FSTL5: variants seen among roughly 807,000 people sequenced by gnomAD.
FSTL5 encodes follistatin like 5.
FSTL5 carries 62 observed loss-of-function variants against 89.1 expected under a neutral mutation model. The observed-to-expected ratio is 0.70, with a 90% CI of 0.57 to 0.86. The LOEUF is 0.86. FSTL5 is among the 40% of genes least tolerant of loss of function. The pLI is 0.00. For synonymous variants in FSTL5, 383 were observed against 346.2 expected (o/e 1.11, Z -1.18); for missense variants, 1,057 against 1,001.6 (o/e 1.06, Z -0.75).
intron 3 of FSTL5, among the ~76,000 whole-genome samples, chr4:161,982,451 T>A (rs997395148): frequency 3.9e-5 from 6 of 152,210 alleles, no homozygotes; most frequent in Non-Finnish European, 8.8e-5. Context: ...AAACATATAG[T>A]TACAGGTAAG....
chr4:161,779,275 C>A (rs984799192), intron 4 of FSTL5, among the ~76,000 whole-genome samples: 14 of 151,400 alleles, frequency 9.2e-5, no homozygotes, highest in Non-Finnish European at 1.0e-4. Context: ...ATAAAATAAC[C>A]AAAAAAAATT....
At chr4:161,699,879 G>A (rs946166318) in intron 6 of FSTL5, among the ~76,000 whole-genome samples, 1 of 152,020 alleles carries the variant, frequency 6.6e-6, no homozygotes, top group African/African-American at 2.4e-5. Flanking sequence ...TCTTTTTTAT[G>A]TTCCATGTTG....
At chr4:161,680,272 A>G (rs1447932017) in intron 6 of FSTL5, among the ~76,000 whole-genome samples, 1 of 151,862 alleles carries the variant, frequency 6.6e-6, no homozygotes, top group East Asian at 1.9e-4. Flanking sequence ...TGCTTGTTAC[A>G]TTGCATCCTG....
chr4:161,759,304 T>C, intron 6 of FSTL5, 107 bp downstream of exon 6: 1 of 1,043,608 alleles, frequency 9.6e-7, no homozygotes, highest in Non-Finnish European at 1.4e-6. Flanking sequence ...ATTATATAAT[T>C]TTTCTTAAGA....
intron 4 of FSTL5, among the ~76,000 whole-genome samples, chr4:161,852,856 G>A (rs1205021498): frequency 6.6e-6 from 1 of 152,098 alleles, no homozygotes; most frequent in Non-Finnish European, 1.5e-5. Flanking sequence ...TGGGAGGAGG[G>A]AGAGCATCAG....
At chr4:162,010,308 C>G (rs1169681503) in intron 3 of FSTL5, among the ~76,000 whole-genome samples, 1 of 152,006 alleles carries the variant, frequency 6.6e-6, no homozygotes, top group African/African-American at 2.4e-5. Flanking sequence ...ATAAAAAGCA[C>G]GCTCACTTAA....
chr4:162,088,449 G>GA (rs1486515959), intron 2 of FSTL5, among the ~76,000 whole-genome samples: 1 of 151,896 alleles, frequency 6.6e-6, no homozygotes, highest in Non-Finnish European at 1.5e-5. Context: ...CTTAGGATCA[G>GA]AAAAATGACA....
intron 6 of FSTL5, among the ~76,000 whole-genome samples, chr4:161,683,996 T>C (rs1737617118): frequency 6.6e-6 from 1 of 152,192 alleles, no homozygotes; most frequent in Non-Finnish European, 1.5e-5. Flanking sequence ...AAACATACGA[T>C]GTTTGACTTT....
chr4:161,631,839 A>T (rs2126656851), intron 7 of FSTL5, among the ~76,000 whole-genome samples: 1 of 152,328 alleles, frequency 6.6e-6, no homozygotes, highest in Non-Finnish European at 1.5e-5. Context: ...TCAAATTTGC[A>T]AAAGTACCTA....
intron 1 of FSTL5, among the ~76,000 whole-genome samples, chr4:162,129,010 C>T (rs959085247): frequency 2.7e-5 from 4 of 148,974 alleles, no homozygotes; most frequent in Non-Finnish European, 5.9e-5. Flanking sequence ...CTGCAACCTC[C>T]GGCTCCCGGG....
intron 3 of FSTL5, among the ~76,000 whole-genome samples, chr4:162,025,327 T>A (rs1431344200): frequency 1.1e-4 from 17 of 152,200 alleles, no homozygotes; most frequent in Non-Finnish European, 2.5e-4. Context: ...TATGTTTCTA[T>A]CATGGATGTA....
At chr4:161,800,345 C>T (rs1328407755) in intron 4 of FSTL5, among the ~76,000 whole-genome samples, 1 of 151,566 alleles carries the variant, frequency 6.6e-6, no homozygotes, top group Non-Finnish European at 1.5e-5. Context: ...AAGTTAATGC[C>T]TCCTTTAGAA....
At chr4:161,501,807 C>T (rs2126486565) in intron 11 of FSTL5, among the ~76,000 whole-genome samples, 1 of 152,040 alleles carries the variant, frequency 6.6e-6, no homozygotes, top group East Asian at 1.9e-4. Context: ...ATAAATATTA[C>T]ATGCACAAAA....
chr4:161,942,058 C>T (rs13147745), intron 3 of FSTL5, among the ~76,000 whole-genome samples: 49,021 of 151,508 alleles, frequency 0.32, 9,633 homozygotes, highest in Non-Finnish European at 0.43. Flanking sequence ...AAGAAGAAAT[C>T]AAAAGAGATA....
chr4:161,942,896 C>T (rs1263951895), intron 3 of FSTL5, among the ~76,000 whole-genome samples: 2 of 152,074 alleles, frequency 1.3e-5, no homozygotes, highest in African/African-American at 4.8e-5. Flanking sequence ...TGTCATTATT[C>T]ACATATGACA....
chr4:162,016,957 C>G, intron 3 of FSTL5, among the ~76,000 whole-genome samples: 1 of 152,112 alleles, frequency 6.6e-6, no homozygotes, highest in East Asian at 1.9e-4. Flanking sequence ...TGTAAATTTA[C>G]GAAGTCCTAC....
intron 2 of FSTL5, among the ~76,000 whole-genome samples, chr4:162,035,574 G>A (rs1024879195): frequency 1.2e-4 from 18 of 152,072 alleles, no homozygotes; most frequent in Admixed American, 1.1e-3. Context: ...AATCTGGGCA[G>A]TAATAGGAGC....
intron 2 of FSTL5, among the ~76,000 whole-genome samples, chr4:162,100,684 T>C (rs991535526): frequency 2.0e-5 from 3 of 152,142 alleles, no homozygotes; most frequent in African/African-American, 7.2e-5. Context: ...ATAATGTATA[T>C]TCAATGTAGA....
intron 10 of FSTL5, among the ~76,000 whole-genome samples, chr4:161,518,572 G>C (rs1435354731): frequency 1.3e-5 from 2 of 152,144 alleles, no homozygotes; most frequent in Non-Finnish European, 2.9e-5. Context: ...GTTCACCTTA[G>C]TTTTCAAATA....
Sources: gnomAD v4.1 joint callset for allele counts (sites outside exome capture counted in the v4.1 genomes callset) on GRCh38, gnomAD v4.1.1 for gene constraint, MANE v1.5 for transcripts, NCBI Gene and HGNC (gene_info 2026-07-23, HGNC 2026-07-21) for gene names.